The following GALNT13 variants were observed in gnomAD, a reference collection of about 807,000 sequenced individuals.
GALNT13 encodes polypeptide N-acetylgalactosaminyltransferase 13.
A neutral mutation model predicts 64.2 loss-of-function variants in GALNT13; 28 were observed. The observed-to-expected ratio is 0.44, with a 90% CI of 0.32 to 0.60. GALNT13 has a LOEUF of 0.60. GALNT13 is among the 20% of genes least tolerant of loss of function. The pLI, the probability that GALNT13 is intolerant of heterozygous loss-of-function variation, is 0.05. For missense variants in GALNT13, 577 were observed against 669.8 expected (o/e 0.86, Z 1.53); for synonymous variants, 214 against 224.6 (o/e 0.95, Z 0.42).
At chr2:153,339,576 C>T in the GALNT13 span, among the ~76,000 whole-genome samples, 2 of 152,106 alleles carry the variant, frequency 1.3e-5, no homozygotes, top group African/African-American at 2.4e-5. Context: ...CTTTTTACTC[C>T]GTTGATTGTT....
At chr2:153,661,151 G>A in the GALNT13 span, among the ~76,000 whole-genome samples, 1 of 152,046 alleles carries the variant, frequency 6.6e-6, no homozygotes, top group Non-Finnish European at 1.5e-5. Context: ...TTGTAATCCT[G>A]TCCAATTCAC....
the GALNT13 span, among the ~76,000 whole-genome samples, chr2:153,532,403 G>C: frequency 2.0e-5 from 3 of 152,106 alleles, no homozygotes; most frequent in Admixed American, 1.3e-4. Context: ...ACAGCCCTGG[G>C]CCTGACACAA....
chr2:153,474,868 C>T, the GALNT13 span, among the ~76,000 whole-genome samples: 1 of 122,956 alleles, frequency 8.1e-6, no homozygotes, highest in Non-Finnish European at 1.8e-5. Flanking sequence ...TTCAGTGTGG[C>T]ATGGTAGAAC....
chr2:154,223,682 G>A (rs568839773), intron 4 of GALNT13, among the ~76,000 whole-genome samples: 2 of 151,828 alleles, frequency 1.3e-5, no homozygotes, highest in Non-Finnish European at 2.9e-5. Flanking sequence ...AATAAATTTA[G>A]TATTTCACTT....
the GALNT13 span, among the ~76,000 whole-genome samples, chr2:153,109,459 T>C: frequency 6.6e-5 from 10 of 152,168 alleles, no homozygotes; most frequent in African/African-American, 9.6e-5. Flanking sequence ...GAGAGTTCAA[T>C]TGGTTCTATT....
chr2:154,306,139 T>TC (rs1693716863), intron 9 of GALNT13, among the ~76,000 whole-genome samples: 3 of 147,692 alleles, frequency 2.0e-5, no homozygotes, highest in Non-Finnish European at 4.5e-5. Flanking sequence ...CTCATAAATC[T>TC]CTTTTATTAT....
chr2:153,524,530 C>G, the GALNT13 span, among the ~76,000 whole-genome samples: 1 of 152,164 alleles, frequency 6.6e-6, no homozygotes, highest in Middle Eastern at 3.4e-3. Context: ...CTTCAATTGC[C>G]AATGCCACAC....
the GALNT13 span, among the ~76,000 whole-genome samples, chr2:153,837,279 T>A: frequency 6.6e-6 from 1 of 152,202 alleles, no homozygotes. Context: ...CATTTTTTCA[T>A]GTGTCTGTTG....
chr2:153,684,985 C>CT, the GALNT13 span, among the ~76,000 whole-genome samples: 39,034 of 148,730 alleles, frequency 0.26, 5,781 homozygotes, highest in Middle Eastern at 0.5. Flanking sequence ...GATATGAGCT[C>CT]TTTTTTTTTT....
Position 154,086,402 on chromosome 2 carries a change from T to TTATGTAAATATATAGAGTATATTTA in GALNT13, c.143-53918_143-53894dup, listed in dbSNP as rs1399260616. On this transcript the variant is annotated intron_variant, in intron 3 of 12. Coordinates refer to ENST00000392825, the MANE Select transcript of GALNT13 (RefSeq NM_052917.4). The stretch of plus-strand genomic sequence containing the variant: ...CAATTCTATTTATATTATATTTACA[T>TTATGTAAATATATAGAGTATATTTA]TATGTAAATATATAGAGTATATTTA... Among the ~76,000 whole-genome samples the TTATGTAAATATATAGAGTATATTTA allele has an allele frequency of 5.1e-4, 76 of 148,174 alleles. 1 individual carries two copies. The East Asian group carries it at 0.01, about 20-fold the overall frequency.
chr2:153,151,650 A>C, the GALNT13 span, among the ~76,000 whole-genome samples: 1 of 152,198 alleles, frequency 6.6e-6, no homozygotes, highest in Admixed American at 6.5e-5. Flanking sequence ...CTATGCAGCC[A>C]TAAGAAATGA....
chr2:153,654,062 A>G, the GALNT13 span, among the ~76,000 whole-genome samples: 3 of 152,070 alleles, frequency 2.0e-5, no homozygotes, highest in Non-Finnish European at 4.4e-5. Flanking sequence ...ATGCATTAAG[A>G]TACACATGGC....
the GALNT13 span, among the ~76,000 whole-genome samples, chr2:153,678,656 C>T: frequency 4.0e-5 from 6 of 151,892 alleles, no homozygotes; most frequent in South Asian, 2.1e-4. Context: ...TACACATTTA[C>T]CTCTGAACCT....
chr2:154,339,500 AAG>A (rs1396482939), intron 9 of GALNT13, among the ~76,000 whole-genome samples: 2 of 152,154 alleles, frequency 1.3e-5, no homozygotes, highest in Non-Finnish European at 2.9e-5. Context: ...GTGATATTTG[AAG>A]TATACTCGTT....
the GALNT13 span, among the ~76,000 whole-genome samples, chr2:153,116,297 T>C: frequency 6.6e-6 from 1 of 152,162 alleles, no homozygotes; most frequent in Non-Finnish European, 1.5e-5. Flanking sequence ...TAGTGAAATA[T>C]GGAGACTTTA....
intron 9 of GALNT13, among the ~76,000 whole-genome samples, chr2:154,370,124 T>C: frequency 6.6e-6 from 1 of 152,102 alleles, no homozygotes; most frequent in East Asian, 1.9e-4. Flanking sequence ...GGTTAGTGTT[T>C]CAACATATGA....
At chr2:154,099,691 A>G (rs1702250264) in intron 3 of GALNT13, among the ~76,000 whole-genome samples, 1 of 152,086 alleles carries the variant, frequency 6.6e-6, no homozygotes, top group African/African-American at 2.4e-5. Flanking sequence ...TAATACCAGC[A>G]CTTTGGGAAG....
At chr2:153,884,871 A>T (rs1459343845) in intron 1 of GALNT13, among the ~76,000 whole-genome samples, 6 of 145,650 alleles carry the variant, frequency 4.1e-5, no homozygotes, top group Non-Finnish European at 7.5e-5. Context: ...ACACACACAC[A>T]CACACACACA....
chr2:153,699,050 C>A, the GALNT13 span, among the ~76,000 whole-genome samples: 7 of 152,052 alleles, frequency 4.6e-5, no homozygotes, highest in Non-Finnish European at 8.8e-5. Flanking sequence ...TGGTGAAACC[C>A]CATCTCTACT....
Sources: gnomAD v4.1 joint callset for allele counts (sites outside exome capture counted in the v4.1 genomes callset) on GRCh38, gnomAD v4.1.1 for gene constraint, MANE v1.5 for transcripts, NCBI Gene and HGNC (gene_info 2026-07-23, HGNC 2026-07-21) for gene names.